The following ANKRD30B variants were observed in gnomAD, a reference collection of about 807,000 sequenced individuals.
ANKRD30B encodes ankyrin repeat domain 30B.
A neutral mutation model predicts 202.2 loss-of-function variants in ANKRD30B; 144 were observed. The observed-to-expected ratio is 0.71, with a 90% CI of 0.62 to 0.82. ANKRD30B has a LOEUF of 0.82. ANKRD30B is among the 40% of genes least tolerant of loss of function. The pLI is 0.00. For synonymous variants in ANKRD30B, 508 were observed against 561.3 expected, an observed-to-expected ratio of 0.91 and a Z score of 1.34; for missense variants, 1,487 against 1,669.1, an observed-to-expected ratio of 0.89 and a Z score of 1.90.
At chr18:14,893,861 T>C in the ANKRD30B span, among the ~76,000 whole-genome samples, 1 of 151,048 alleles carries the variant, frequency 6.6e-6, no homozygotes, top group Non-Finnish European at 1.5e-5. Context: ...TAAGTAGCAC[T>C]CAGTAAATTT....
At chr18:14,799,022 C>T (rs1208532076) in intron 20 of ANKRD30B, 79 bp from the exon 21 acceptor site, 1 of 1,337,066 alleles carries the variant, frequency 7.5e-7, no homozygotes, top group Non-Finnish European at 1.1e-6. Context: ...GATTCGTCTT[C>T]ATATTCACAC....
chr18:14,839,412 C>G (rs372476368), intron 36 of ANKRD30B, among the ~76,000 whole-genome samples: 1 of 152,114 alleles, frequency 6.6e-6, no homozygotes, highest in Non-Finnish European at 1.5e-5. Flanking sequence ...ACAGAGAGGG[C>G]AGTGGACCAT....
At chr18:14,845,479 T>G (rs1246845421) in intron 39 of ANKRD30B, among the ~76,000 whole-genome samples, 1 of 151,866 alleles carries the variant, frequency 6.6e-6, no homozygotes. Context: ...TACCTTGTAT[T>G]TTTAAGTATC....
At chr18:14,879,053 G>A in the ANKRD30B span, among the ~76,000 whole-genome samples, 2 of 152,232 alleles carry the variant, frequency 1.3e-5, no homozygotes, top group South Asian at 2.1e-4. Context: ...GTGCAGCTGC[G>A]TTCTGCTCAG....
the ANKRD30B span, among the ~76,000 whole-genome samples, chr18:14,906,929 G>A: frequency 6.6e-6 from 1 of 151,780 alleles, no homozygotes; most frequent in Non-Finnish European, 1.5e-5. Context: ...GGGTGGCGGT[G>A]GGGGTCCAGG....
intron 16 of ANKRD30B, among the ~76,000 whole-genome samples, chr18:14,795,469 T>A (rs1431461579): frequency 3.3e-5 from 5 of 152,126 alleles, no homozygotes; most frequent in African/African-American, 9.7e-5. Flanking sequence ...GGTTCTGGAG[T>A]TACAGGCATG....
At chr18:14,922,345 C>A in the ANKRD30B span, among the ~76,000 whole-genome samples, 1 of 152,094 alleles carries the variant, frequency 6.6e-6, no homozygotes, top group Non-Finnish European at 1.5e-5. Context: ...TGCTCTGGGG[C>A]ACTACATAAA....
chr18:14,748,383 G>C lies in ANKRD30B; in HGVS notation c.-37G>C, dbSNP rs1033568828. ...GGGTAGGGGCTGGGGAAGGGCGAGC[G>C]GGAGGCGCGGGCTCTCTCTAGCAGG... On this transcript the variant is annotated 5_prime_UTR_variant, in exon 1 of 44. Transcript: ENST00000690538. The C allele has an allele frequency of 9.9e-6, 14 of 1,410,490 alleles. No individual in the cohort carries two copies. Among genetic ancestry groups the C allele is most frequent in the African/African-American group, 5.9e-5 (4 of 68,204 alleles). 87.4% of individuals were successfully genotyped at this position (1,410,490 alleles called of 1,614,324 possible). A position where few individuals can be genotyped will look rare whatever the true frequency, so the allele number is the denominator to read the frequency against.
Position 14,752,880 on chromosome 18 carries a change from A to G in ANKRD30B, c.378A>G (p.Ile126Met). The G allele has an allele frequency of 6.2e-7, 1 of 1,609,600 alleles. No individual in the cohort carries two copies. The highest frequency in any genetic ancestry group is 1.1e-5 in the South Asian group (1 of 90,484). ...GGGAGGCTTGTGCAAATATTCTCAT[A>G]GATGCTGGTGCTGATCTAAATTATG... is the stretch of plus-strand genomic sequence containing the variant. ...CEREACANIL[I>M]DAGADLNYVD... Residue 126 changes from isoleucine (I) to methionine (M), a missense_variant, in exon 3 of 44, where the codon ATA becomes ATG. Around this residue, in one of 6 missense-constraint regions of ANKRD30B, gnomAD observed 889 missense variants for 841.4 expected, o/e 1.06. Transcript: ENST00000690538.
chr18:14,939,230 G>C, the ANKRD30B span, among the ~76,000 whole-genome samples: 1 of 152,172 alleles, frequency 6.6e-6, no homozygotes, highest in Admixed American at 6.5e-5. Flanking sequence ...CACAACAGGG[G>C]CAGTAAGGTC....
At chr18:14,821,149 G>A (rs1035241070) in intron 30 of ANKRD30B, among the ~76,000 whole-genome samples, 9 of 152,236 alleles carry the variant, frequency 5.9e-5, no homozygotes, top group East Asian at 5.8e-4. Flanking sequence ...GTTTATTTGC[G>A]TAGAGGTGTT....
rs777011582 is a variant in ANKRD30B, at chr18:14,799,239, A to C, written c.2075A>C (p.Lys692Thr). 13 of 1,565,370 alleles carry C rather than the reference A, an allele frequency of 8.3e-6. No individual in the cohort carries two copies. The African/African-American group carries it at 1.6e-4, about 20-fold the overall frequency. ...CCCATTTAGCCTACCTGTGGAAGGA[A>C]AGTTTCTCTTCCAAATAAAGCTTTA... ...DGLLKPTCGR[K>T]VSLPNKALEL... The change falls in exon 22 of 44, where the codon AAA becomes ACA. Residue 692 changes from lysine (K) to threonine (T), a missense_variant. Lys to Thr is a moderately conservative substitution (Grantham distance 78, BLOSUM62 -1). Coordinates refer to ENST00000690538, the MANE Select transcript of ANKRD30B (RefSeq NM_001367607.2).
intron 16 of ANKRD30B, among the ~76,000 whole-genome samples, chr18:14,794,691 T>C: frequency 6.6e-6 from 1 of 152,222 alleles, no homozygotes. Flanking sequence ...GCACTTTTTT[T>C]CTAAAACACA....
At chr18:14,893,024 T>G in the ANKRD30B span, among the ~76,000 whole-genome samples, 2 of 152,254 alleles carry the variant, frequency 1.3e-5, no homozygotes, top group South Asian at 4.1e-4. Context: ...AGATTCTACG[T>G]TTAGCTGAGA....
At chr18:14,771,811 G>C (rs539189080) in intron 8 of ANKRD30B, among the ~76,000 whole-genome samples, 8 of 152,258 alleles carry the variant, frequency 5.3e-5, no homozygotes, top group African/African-American at 1.9e-4. Context: ...CCATTAAGTA[G>C]ATTTCCAGTT....
At chr18:14,808,414 CA>C in intron 24 of ANKRD30B, 136 bp from the exon 25 acceptor site, 2 of 955,534 alleles carry the variant, frequency 2.1e-6, no homozygotes, top group African/African-American at 3.3e-5. Context: ...TACAAAAACC[CA>C]AAAGACCCCA....
intron 36 of ANKRD30B, among the ~76,000 whole-genome samples, chr18:14,838,097 T>G (rs2994494): frequency 1.3e-5 from 2 of 152,244 alleles, no homozygotes; most frequent in East Asian, 3.8e-4. Flanking sequence ...GTAGATAACA[T>G]CTGCATAGTG....
chr18:14,777,012 G>A (rs1235105800), intron 9 of ANKRD30B, among the ~76,000 whole-genome samples: 2 of 152,206 alleles, frequency 1.3e-5, no homozygotes, highest in African/African-American at 2.4e-5. Context: ...TATGTCAAGT[G>A]TTTAATCATA....
chr18:14,809,919 C>A, intron 26 of ANKRD30B, 67 bp from the exon 27 acceptor site: 2 of 1,301,654 alleles, frequency 1.5e-6, no homozygotes, highest in Non-Finnish European at 2.2e-6. Flanking sequence ...TATTCACACT[C>A]TATGAACATT....
Sources: allele counts gnomAD v4.1 joint callset (sites outside exome capture counted in the v4.1 genomes callset), GRCh38; gene constraint gnomAD v4.1.1; regional missense constraint gnomAD v4.1.1; transcripts MANE v1.5; gene names NCBI Gene and HGNC (gene_info 2026-07-23, HGNC 2026-07-21).